The following GLIS3 variants were observed in gnomAD, a reference collection of about 807,000 sequenced individuals.
GLIS3 encodes the protein zinc finger protein GLIS3.
GLIS3 carries 53 observed loss-of-function variants against 78.6 expected under a neutral mutation model. That is an observed-to-expected ratio of 0.67 (90% confidence interval 0.54 to 0.85). The LOEUF is 0.85. GLIS3 is among the 40% of genes least tolerant of loss of function. The pLI is 0.00. For synonymous variants in GLIS3, 684 were observed against 509.9 expected, an observed-to-expected ratio of 1.34 and a Z score of -4.60; for missense variants, 1,703 against 1,231.1, an observed-to-expected ratio of 1.38 and a Z score of -5.74.
rs552120234 is a variant in GLIS3, at chr9:4,286,165, C to G, written c.261G>C (p.Arg87Ser). ...SRIHLPALSPRRQMLTNGKPR... is the reference protein window; with the variant it reads ...SRIHLPALSPSRQMLTNGKPR... ...GCTTCCCATTGGTGAGCATTTGTCTCCTGGGGCTTAAGGCAGGCAGATGGA... is the reference window on the plus strand; with the variant it reads ...GCTTCCCATTGGTGAGCATTTGTCTGCTGGGGCTTAAGGCAGGCAGATGGA... Residue 87 changes from arginine (R) to serine (S), a missense_variant, in exon 2 of 11, where the codon AGG becomes AGC. By Grantham distance (110) the Arg-to-Ser change is moderately radical (BLOSUM62 -1). Transcript: ENST00000381971. 1.2e-6 allele frequency: 2 copies of G among 1,614,060 alleles called. No homozygotes were observed. The highest frequency in any genetic ancestry group is 2.7e-5 in the African/African-American group (2 of 74,918).
intron 9 of GLIS3, among the ~76,000 whole-genome samples, chr9:3,853,071 G>A (rs1397518765): frequency 6.6e-6 from 1 of 152,108 alleles, no homozygotes; most frequent in Non-Finnish European, 1.5e-5. Context: ...AATTAGCCAG[G>A]TGTGGTGGTG....
At chr9:4,317,537 T>C (rs547932292) in intron 2 of GLIS3, among the ~76,000 whole-genome samples, 1 of 152,206 alleles carries the variant, frequency 6.6e-6, no homozygotes, top group East Asian at 1.9e-4. Context: ...GAAATAACAA[T>C]GGCAAAAAAT....
the GLIS3 span, among the ~76,000 whole-genome samples, chr9:4,449,788 G>C: frequency 6.6e-6 from 1 of 152,104 alleles, no homozygotes; most frequent in African/African-American, 2.4e-5. Context: ...AAACAGAAAG[G>C]AATAGCATCA....
At chr9:4,106,119 A>G (rs1264034345) in intron 4 of GLIS3, among the ~76,000 whole-genome samples, 1 of 152,010 alleles carries the variant, frequency 6.6e-6, no homozygotes, top group African/African-American at 2.4e-5. Context: ...TTCCACCAAC[A>G]CCTTAGACAA....
chr9:4,241,698 A>T (rs529879945), intron 2 of GLIS3, among the ~76,000 whole-genome samples: 1 of 151,826 alleles, frequency 6.6e-6, no homozygotes, highest in Non-Finnish European at 1.5e-5. Context: ...TTTTTTTGAG[A>T]TACAGTCTTG....
At chr9:3,879,707 A>T (rs1821601966) in intron 7 of GLIS3, 112 bp from the exon 8 acceptor site, 4 of 1,119,506 alleles carry the variant, frequency 3.6e-6, no homozygotes, top group East Asian at 2.6e-5. Context: ...TTTTTCTCTC[A>T]GTGGTTTTCA....
At chr9:4,486,968 G>A in the GLIS3 span, among the ~76,000 whole-genome samples, 4 of 152,164 alleles carry the variant, frequency 2.6e-5, no homozygotes, top group African/African-American at 7.2e-5. Context: ...AAAGTGCTGG[G>A]AATATAGGTG....
intron 4 of GLIS3, among the ~76,000 whole-genome samples, chr9:4,033,190 C>T (rs1385293368): frequency 6.6e-6 from 1 of 152,132 alleles, no homozygotes; most frequent in Non-Finnish European, 1.5e-5. Flanking sequence ...AGTTCTGCAC[C>T]AGAATGGCAC....
chr9:4,020,425 T>A (rs1230697083), intron 4 of GLIS3, among the ~76,000 whole-genome samples: 1 of 152,198 alleles, frequency 6.6e-6, no homozygotes, highest in Non-Finnish European at 1.5e-5. Flanking sequence ...AAACCAAGCA[T>A]GCTGTTCATT....
upstream of GLIS3, among the ~76,000 whole-genome samples, chr9:4,350,516 CTA>C (rs1279363629): frequency 2.6e-5 from 4 of 152,244 alleles, no homozygotes; most frequent in Non-Finnish European, 4.4e-5. Flanking sequence ...TCCTGCCGTA[CTA>C]TATCTCTCTG....
intron 4 of GLIS3, among the ~76,000 whole-genome samples, chr9:4,104,614 A>C (rs1210008617): frequency 1.3e-5 from 2 of 152,122 alleles, no homozygotes; most frequent in African/African-American, 4.8e-5. Context: ...CCAAGGTCCT[A>C]AACAATCTAG....
At chr9:4,115,450 T>G (rs901345393) in intron 4 of GLIS3, among the ~76,000 whole-genome samples, 1 of 152,136 alleles carries the variant, frequency 6.6e-6, no homozygotes, top group African/African-American at 2.4e-5. Context: ...ATTGTAACAG[T>G]TGTATGTGTG....
intron 2 of GLIS3, among the ~76,000 whole-genome samples, chr9:4,229,458 A>G (rs7848208): frequency 0.99 from 150,973 of 152,328 alleles, 74,834 homozygotes; most frequent in Middle Eastern, 1. Flanking sequence ...CTACTGGAAT[A>G]ACAGAAAAGT....
chr9:4,298,235 C>G (rs542107262), intron 1 of GLIS3: 1 of 265,794 alleles, frequency 3.8e-6, no homozygotes, highest in Non-Finnish European at 7.4e-6. Context: ...GGCTCGCAGT[C>G]CCCCCACGCC....
intron 2 of GLIS3, among the ~76,000 whole-genome samples, chr9:4,261,896 A>G (rs901646931): frequency 1.3e-5 from 2 of 152,200 alleles, no homozygotes; most frequent in African/African-American, 4.8e-5. Context: ...ATTATAGCAC[A>G]TCGCAACTAG....
At chr9:4,069,020 C>G (rs997501818) in intron 4 of GLIS3, among the ~76,000 whole-genome samples, 1 of 152,028 alleles carries the variant, frequency 6.6e-6, no homozygotes, top group Non-Finnish European at 1.5e-5. Flanking sequence ...AAGTAAGTGG[C>G]TTGTTCATGT....
the GLIS3 span, among the ~76,000 whole-genome samples, chr9:4,420,879 C>T: frequency 1.3e-5 from 2 of 152,216 alleles, no homozygotes; most frequent in South Asian, 2.1e-4. Flanking sequence ...TATATATTTT[C>T]CCCAAGCTAT....
intron 2 of GLIS3, among the ~76,000 whole-genome samples, chr9:4,270,111 T>C (rs1446381176): frequency 6.6e-6 from 1 of 152,214 alleles, no homozygotes; most frequent in African/African-American, 2.4e-5. Context: ...ATTTCACTTC[T>C]CTGAATACTG....
intron 4 of GLIS3, among the ~76,000 whole-genome samples, chr9:4,112,996 C>G (rs949050916): frequency 6.9e-6 from 1 of 144,388 alleles, no homozygotes. Flanking sequence ...TTTTATTTAT[C>G]TACATAAATC....
Sources: allele counts gnomAD v4.1 joint callset (sites outside exome capture counted in the v4.1 genomes callset), GRCh38; gene constraint gnomAD v4.1.1; transcripts MANE v1.5; gene names NCBI Gene and HGNC (gene_info 2026-07-23, HGNC 2026-07-21).